DIO1: variants seen among roughly 807,000 people sequenced by gnomAD.
DIO1 encodes type I iodothyronine deiodinase.
Under a neutral mutation model 25.9 loss-of-function variants are expected in DIO1, and 17 were observed. The observed-to-expected ratio is 0.66, with a 90% CI of 0.45 to 0.98. DIO1 has a LOEUF of 0.98. Ranked by LOEUF, DIO1 falls within the 50% of genes least tolerant of loss-of-function variation. The pLI is 0.00. For synonymous variants in DIO1, 115 were observed against 114.0 expected, an observed-to-expected ratio of 1.01 and a Z score of -0.05; for missense variants, 270 against 310.4, an observed-to-expected ratio of 0.87 and a Z score of 0.98.
intron 1 of DIO1, among the ~76,000 whole-genome samples, chr1:53,903,617 G>T (rs1651489063): frequency 6.6e-6 from 1 of 151,912 alleles, no homozygotes; most frequent in Admixed American, 6.5e-5. Flanking sequence ...GGGAGGCCGA[G>T]GCCGGCGGAT....
At chr1:53,897,935 TAG>T (rs1357862721) in intron 1 of DIO1, among the ~76,000 whole-genome samples, 1 of 152,100 alleles carries the variant, frequency 6.6e-6, no homozygotes, top group Non-Finnish European at 1.5e-5. Flanking sequence ...ATTTGCAAAA[TAG>T]AGTTTACTTT....
At chr1:53,907,912 GGA>G (rs1491449332) in intron 3 of DIO1, among the ~76,000 whole-genome samples, 6,554 of 71,650 alleles carry the variant, frequency 0.091, 438 homozygotes, top group African/African-American at 0.31. Flanking sequence ...ACTCTGTCTC[GGA>G]AAAAAAAAAA....
rs1337700252 is a variant in DIO1, at chr1:53,897,038, T to C, written c.337+2491T>C. Among the ~76,000 whole-genome samples, 8 of 152,376 alleles carry C rather than the reference T, an allele frequency of 5.3e-5. No individual in the cohort carries two copies. The East Asian group carries it at 1.5e-3, about 29-fold the overall frequency. On this transcript the variant is annotated intron_variant, in intron 1 of 3. Transcript: ENST00000361921. ...TACCACATGCCCATGTGCCAAGCAC[T>C]GTAACAGAACCAGGCCAATTTGCTG...
intron 3 of DIO1, among the ~76,000 whole-genome samples, chr1:53,908,668 G>A (rs1569743266): frequency 6.6e-6 from 1 of 152,154 alleles, no homozygotes; most frequent in Non-Finnish European, 1.5e-5. Flanking sequence ...GGCATAGTAG[G>A]GCAGAGTGTG....
At chr1:53,900,481 G>C (rs1651302488) in intron 1 of DIO1, among the ~76,000 whole-genome samples, 1 of 152,188 alleles carries the variant, frequency 6.6e-6, no homozygotes, top group African/African-American at 2.4e-5. Flanking sequence ...GTGCACGCTT[G>C]TAATCCCAGC....
At chr1:53,898,922 C>T (rs1289763269) in intron 1 of DIO1, among the ~76,000 whole-genome samples, 3 of 152,084 alleles carry the variant, frequency 2.0e-5, no homozygotes, top group Non-Finnish European at 4.4e-5. Context: ...ATGCAAAAGT[C>T]CAGAGAGGTG....
intron 1 of DIO1, among the ~76,000 whole-genome samples, chr1:53,897,204 C>T (rs1199409874): frequency 2.8e-4 from 43 of 152,280 alleles, no homozygotes; most frequent in Non-Finnish European, 1.0e-4. Flanking sequence ...GTCTGAGCCC[C>T]GTGGCTCACG....
At chr1:53,905,603 A>G (rs1256960822) in intron 2 of DIO1, among the ~76,000 whole-genome samples, 3 of 152,224 alleles carry the variant, frequency 2.0e-5, no homozygotes, top group Admixed American at 2.0e-4. Context: ...TTTCTAGTCC[A>G]TCCACGCTGA....
At position 53,910,884 on chromosome 1, in the gene DIO1, C is replaced by T. The variant is rs1266107875; in HGVS notation, c.*885C>T. On this transcript the variant is annotated 3_prime_UTR_variant, in exon 4 of 4. Coordinates refer to ENST00000361921, the MANE Select transcript of DIO1 (RefSeq NM_000792.7). ...TGAAATTCTGTTTCTCTGATTTCTT[C>T]GCAAGTCTCTTAATGGTCATTTGTG... 3 of 152,616 alleles carry T rather than the reference C, an allele frequency of 2.0e-5. No individual in the cohort carries two copies. Among genetic ancestry groups the T allele is most frequent in the African/African-American group, 4.8e-5 (2 of 41,428 alleles). 9.5% of individuals were successfully genotyped at this position (152,616 alleles called of 1,614,324 possible).
intron 1 of DIO1, among the ~76,000 whole-genome samples, chr1:53,895,494 G>A (rs1480500543): frequency 3.3e-5 from 5 of 152,206 alleles, no homozygotes; most frequent in Admixed American, 2.0e-4. Flanking sequence ...CAGTTTCGTC[G>A]ACTTGAGTTC....
At chr1:53,909,213 C>G (rs1038852047) in intron 3 of DIO1, among the ~76,000 whole-genome samples, 1 of 150,842 alleles carries the variant, frequency 6.6e-6, no homozygotes, top group Non-Finnish European at 1.5e-5. Flanking sequence ...GCCAGGAGTT[C>G]GAGACCAGCC....
chr1:53,907,945 C>T (rs1335750463), intron 3 of DIO1, among the ~76,000 whole-genome samples: 5 of 148,326 alleles, frequency 3.4e-5, no homozygotes, highest in African/African-American at 1.0e-4. Context: ...AATGACCGGC[C>T]GGGCGCAGTG....
rs1198266828 is a variant in DIO1 at position 53,894,259 on chromosome 1, T to A, written c.49T>A (p.Leu17Met). ...GTGGCTGAAGAGGCTCTGGGTGCTC[T>A]TGGAGGTGGCTGTGCATGTGGTCGT... Reference protein sequence around the residue: ...GLWLKRLWVLLEVAVHVVVGK... With the variant: ...GLWLKRLWVLMEVAVHVVVGK... The change falls in exon 1 of 4, where the codon TTG (leucine) becomes ATG (methionine). Residue 17 changes from leucine (L) to methionine (M), a missense_variant. Transcript: ENST00000361921. The surrounding 1 kb of genome is among the most constrained non-coding windows in gnomAD (Gnocchi z 4.9). The A allele has an allele frequency of 6.2e-7, 1 of 1,614,200 alleles. No individual in the cohort carries two copies. Among genetic ancestry groups the A allele is most frequent in the East Asian group, 2.2e-5 (1 of 44,890 alleles).
chr1:53,907,785 C>T (rs1651726437), intron 3 of DIO1, among the ~76,000 whole-genome samples: 1 of 151,452 alleles, frequency 6.6e-6, no homozygotes. Context: ...GTGGCGCATG[C>T]CTGTAATCCC....
intron 1 of DIO1, among the ~76,000 whole-genome samples, chr1:53,900,574 A>T (rs977493109): frequency 6.6e-6 from 1 of 152,220 alleles, no homozygotes; most frequent in African/African-American, 2.4e-5. Context: ...TTTGCACTAC[A>T]GCCTGGGTGA....
At chr1:53,898,323 G>A (rs1440808730) in intron 1 of DIO1, among the ~76,000 whole-genome samples, 1 of 152,142 alleles carries the variant, frequency 6.6e-6, no homozygotes, top group East Asian at 1.9e-4. Context: ...TGAGGCTGAA[G>A]GCATCATCAG....
intron 1 of DIO1, among the ~76,000 whole-genome samples, chr1:53,896,381 C>A (rs997131201): frequency 2.6e-5 from 4 of 151,970 alleles, no homozygotes; most frequent in Non-Finnish European, 1.5e-5. Flanking sequence ...CAATGCTCGG[C>A]TAATTTTTGC....
Position 53,894,490 on chromosome 1 carries a change from A to G in DIO1, c.280A>G (p.Asn94Asp). 6.2e-7 allele frequency: 1 copy of G among 1,614,170 alleles called. No homozygotes were observed. Residue 94 changes from asparagine to aspartate, a missense_variant, in exon 1 of 4, where the codon AAC (asparagine) becomes GAC (aspartate). By Grantham distance (23) the Asn-to-Asp change is conservative (BLOSUM62 1). Transcript: ENST00000361921. The surrounding 1 kb of genome is among the most constrained non-coding windows in gnomAD (Gnocchi z 4.9). ...GACTGAGCTAGGGGGTCTGGCCCCA[A>G]ACTGCCCGGTGGTCCGCCTCTCAGG... ...DTTELGGLAP[N>D]CPVVRLSGQR...
intron 1 of DIO1, among the ~76,000 whole-genome samples, chr1:53,897,752 T>G (rs1651153490): frequency 6.6e-6 from 1 of 152,086 alleles, no homozygotes; most frequent in South Asian, 2.1e-4. Flanking sequence ...CTCAGGAGGC[T>G]GAGTTGGGGG....
Sources: gnomAD v4.1 joint callset for allele counts (sites outside exome capture counted in the v4.1 genomes callset) on GRCh38, gnomAD v4.1.1 for gene constraint, Gnocchi (gnomAD v3.1) non-coding constraint, MANE v1.5 for transcripts, NCBI Gene and HGNC (gene_info 2026-07-23, HGNC 2026-07-21) for gene names.